Variants in SDK1 observed in about 807,000 individuals in gnomAD.
The protein encoded by SDK1 is sidekick cell adhesion molecule 1, also known as protein sidekick-1.
Under a neutral mutation model 245.5 loss-of-function variants are expected in SDK1, and 157 were observed. The ratio of observed to expected loss-of-function variants is 0.64; its 90% CI spans 0.56 to 0.73. The LOEUF is 0.73. Among genes scored for constraint, SDK1 ranks in the 30% least tolerant of loss-of-function variants. SDK1 has a pLI of 0.00. For synonymous variants in SDK1, 1,647 were observed against 1,278.5 expected (o/e 1.29, Z -6.15); for missense variants, 3,583 against 3,002.3 (o/e 1.19, Z -4.52).
Position 3,974,358 on chromosome 7 carries a change from T to C in SDK1, c.1818-11T>C. 6.2e-7 allele frequency: 1 copy of C among 1,607,658 alleles called. No individual in the cohort carries two copies. The highest frequency in any genetic ancestry group is 1.1e-5 in the South Asian group (1 of 90,744). ...GGGTTTGTAACTCAAGACCCTTTGC[T>C]TGGCCCACAGCTACGTTTGGAAGAA... On this transcript the variant is annotated splice_polypyrimidine_tract_variant and intron_variant, in intron 12 of 44. Transcript: ENST00000404826.
At chr7:3,692,577 T>G (rs1253410504) in intron 4 of SDK1, among the ~76,000 whole-genome samples, 2 of 152,268 alleles carry the variant, frequency 1.3e-5, no homozygotes, top group South Asian at 4.1e-4. Flanking sequence ...GTCCTTCAAT[T>G]TTTGTGCTTA....
At chr7:3,984,280 C>G (rs980228421) in intron 13 of SDK1, among the ~76,000 whole-genome samples, 1 of 152,068 alleles carries the variant, frequency 6.6e-6, no homozygotes, top group Non-Finnish European at 1.5e-5. Context: ...CCGTGAGTAG[C>G]CTCCATTTAA....
At chr7:3,576,270 C>T (rs1326488041) in intron 1 of SDK1, among the ~76,000 whole-genome samples, 2 of 152,110 alleles carry the variant, frequency 1.3e-5, no homozygotes, top group South Asian at 2.1e-4. Context: ...TTGGCGTCAC[C>T]GTTGTTTACG....
intron 1 of SDK1, among the ~76,000 whole-genome samples, chr7:3,522,570 G>T (rs1350492127): frequency 6.6e-6 from 1 of 152,088 alleles, no homozygotes; most frequent in Non-Finnish European, 1.5e-5. Context: ...CTGGCTCATA[G>T]AAGGAGCCCT....
chr7:3,837,478 A>G (rs1234364062), intron 5 of SDK1, among the ~76,000 whole-genome samples: 2 of 152,186 alleles, frequency 1.3e-5, no homozygotes, highest in Non-Finnish European at 2.9e-5. Flanking sequence ...TCACTGTGGA[A>G]TCTTAAGATA....
chr7:4,128,441 C>T (rs1381281562), intron 26 of SDK1, among the ~76,000 whole-genome samples: 1 of 152,222 alleles, frequency 6.6e-6, no homozygotes, highest in Non-Finnish European at 1.5e-5. Flanking sequence ...TTTCAAACAC[C>T]TCCCTGCTGA....
In SDK1 at chr7:3,619,217, A is replaced by G. The variant is rs566936656; in HGVS notation, c.436A>G (p.Thr146Ala). Residue 146 changes from threonine to alanine, a missense_variant, in exon 2 of 45, where the codon ACC (threonine) becomes GCC (alanine). By Grantham distance (58) the Thr-to-Ala change is moderately conservative (BLOSUM62 0). Coordinates refer to ENST00000404826, the MANE Select transcript of SDK1 (RefSeq NM_152744.4). Reference protein sequence around the residue: ...FKWMRDDSELTTYSSEYKYII... With the variant: ...FKWMRDDSELATYSSEYKYII... ...GTGGATGCGCGATGACAGTGAGCTC[A>G]CCACCTACAGCAGCGAATATAAGTA... 8 of 1,612,590 alleles carry G rather than the reference A, an allele frequency of 5.0e-6. No individual in the cohort carries two copies. The African/African-American group carries it at 8.0e-5, about 16-fold the overall frequency.
chr7:3,991,422 C>T (rs1482586433), intron 14 of SDK1, among the ~76,000 whole-genome samples: 1 of 152,134 alleles, frequency 6.6e-6, no homozygotes, highest in East Asian at 1.9e-4. Context: ...TACATGCTTC[C>T]CTTTGCGCAC....
intron 5 of SDK1, among the ~76,000 whole-genome samples, chr7:3,868,220 T>C (rs141260537): frequency 1.8e-3 from 267 of 152,360 alleles, no homozygotes; most frequent in Non-Finnish European, 2.8e-3. Flanking sequence ...TTATTTATTG[T>C]TTATTGGTAA....
chr7:4,256,051 C>T (rs1264745581), intron 44 of SDK1, among the ~76,000 whole-genome samples: 1 of 151,436 alleles, frequency 6.6e-6, no homozygotes, highest in Non-Finnish European at 1.5e-5. Context: ...TCCCAAGTAG[C>T]TGTGATCACA....
intron 22 of SDK1, among the ~76,000 whole-genome samples, chr7:4,083,826 C>T (rs1377834083): frequency 7.2e-6 from 1 of 139,664 alleles, no homozygotes; most frequent in Non-Finnish European, 1.6e-5. Context: ...TTCCTCTCTC[C>T]CTTCCTCTCT....
At chr7:3,597,341 C>T (rs1394180528) in intron 1 of SDK1, among the ~76,000 whole-genome samples, 1 of 150,570 alleles carries the variant, frequency 6.6e-6, no homozygotes. Flanking sequence ...TCACTTTGTA[C>T]TGAGAAAACT....
At chr7:3,427,283 C>A (rs185078522) in intron 1 of SDK1, among the ~76,000 whole-genome samples, 2 of 152,226 alleles carry the variant, frequency 1.3e-5, no homozygotes, top group African/African-American at 4.8e-5. Context: ...CTTTGGGAGG[C>A]CGAGACAGAC....
intron 1 of SDK1, among the ~76,000 whole-genome samples, chr7:3,526,373 A>G (rs1280036364): frequency 6.6e-6 from 1 of 152,072 alleles, no homozygotes; most frequent in African/African-American, 2.4e-5. Flanking sequence ...CATATTGGAG[A>G]TAATTTTTGA....
rs1201707773 is a variant in SDK1 at position 4,042,070 on chromosome 7, C to T, written c.2603-7278C>T. Among the ~76,000 whole-genome samples, 2 of 136,524 alleles carry T rather than the reference C, an allele frequency of 1.5e-5. 1 individual carries two copies. Among genetic ancestry groups the T allele is most frequent in the African/African-American group, 6.7e-5 (2 of 29,860 alleles). 89.6% of individuals were successfully genotyped at this position (136,524 alleles called of 152,430 possible). On this transcript the variant is annotated intron_variant, in intron 17 of 44. Coordinates refer to ENST00000404826, the MANE Select transcript of SDK1 (RefSeq NM_152744.4). ...CTCGTGATCCACCCACCTTGGCCTC[C>T]CAAAGTGCTGGGATTACAGGCATGA...
At chr7:3,637,129 G>A (rs1455632409) in intron 2 of SDK1, among the ~76,000 whole-genome samples, 1 of 151,230 alleles carries the variant, frequency 6.6e-6, no homozygotes, top group Non-Finnish European at 1.5e-5. Context: ...AGAGTGTCTT[G>A]CTCTGTCACC....
intron 36 of SDK1, 88 bp downstream of exon 36, chr7:4,206,082 A>G (rs532211939): frequency 7.1e-6 from 6 of 849,270 alleles, no homozygotes; most frequent in Non-Finnish European, 1.1e-5. Context: ...CCAGCAGCAG[A>G]CCCCGCAGGC....
chr7:3,731,877 C>T (rs1779188729), intron 4 of SDK1, among the ~76,000 whole-genome samples: 3 of 152,098 alleles, frequency 2.0e-5, no homozygotes, highest in African/African-American at 4.8e-5. Context: ...CTGCAACCTC[C>T]ACTTCCCAGG....
intron 1 of SDK1, among the ~76,000 whole-genome samples, chr7:3,318,291 C>T (rs924769232): frequency 5.3e-5 from 8 of 152,116 alleles, no homozygotes; most frequent in African/African-American, 1.7e-4. Context: ...TGTCATGAGT[C>T]GTAGAGCTGG....
Sources: allele counts gnomAD v4.1 joint callset (sites outside exome capture counted in the v4.1 genomes callset), GRCh38; gene constraint gnomAD v4.1.1; transcripts MANE v1.5; gene names NCBI Gene and HGNC (gene_info 2026-07-23, HGNC 2026-07-21).